Variants in GRIK4 observed in about 807,000 individuals in gnomAD.
GRIK4 encodes the protein glutamate receptor ionotropic, kainate 4.
GRIK4 carries 40 observed loss-of-function variants against 104.9 expected under a neutral mutation model. The observed-to-expected ratio is 0.38, with a 90% CI of 0.30 to 0.50. The LOEUF (loss-of-function observed/expected upper bound fraction) is 0.50. Ranked by LOEUF, GRIK4 falls within the 20% of genes least tolerant of loss-of-function variation. The probability of loss-of-function intolerance (pLI) is 0.93; values close to 1 mark genes in which losing one functional copy is unlikely to be tolerated. For synonymous variants in GRIK4, 485 were observed against 524.9 expected, an observed-to-expected ratio of 0.92 and a Z score of 1.04; for missense variants, 1,047 against 1,308.1, an observed-to-expected ratio of 0.80 and a Z score of 3.08.
In GRIK4 at chr11:120,960,966, G is replaced by A. The variant is rs1286637364; in HGVS notation, c.1932G>A (p.Leu644=). Residue 644 remains leucine, a synonymous_variant, in exon 17 of 21, where the codon CTG becomes CTA. Coordinates refer to ENST00000527524, the MANE Select transcript of GRIK4 (RefSeq NM_014619.5). ...ACACGGCCAACCTGGCAGCCTTCCT[G>A]ACCGTGCAGCGCATGGATGTGCCCA... The part of the protein sequence containing the change: ...SSYTANLAAF[L]TVQRMDVPIE... 24 of 1,613,978 alleles carry A rather than the reference G, an allele frequency of 1.5e-5. No homozygotes were observed. Among genetic ancestry groups the A allele is most frequent in the Non-Finnish European group, 1.8e-5 (21 of 1,180,006 alleles).
intron 9 of GRIK4, chr11:120,862,420 A>G: frequency 3.5e-6 from 1 of 286,480 alleles, no homozygotes; most frequent in Non-Finnish European, 6.5e-6. Flanking sequence ...GCCTGAGTTT[A>G]GGATCCAAGA....
At chr11:120,565,391 T>C (rs1948308980) in intron 1 of GRIK4, among the ~76,000 whole-genome samples, 1 of 152,238 alleles carries the variant, frequency 6.6e-6, no homozygotes, top group African/African-American at 2.4e-5. Flanking sequence ...AGGAATGCGC[T>C]GGACAAGTTG....
At chr11:120,659,263 G>A (rs187227690) in intron 2 of GRIK4, among the ~76,000 whole-genome samples, 2 of 152,288 alleles carry the variant, frequency 1.3e-5, no homozygotes, top group Admixed American at 1.3e-4. Context: ...GGAAGGAGGA[G>A]AGGGATTGGT....
intron 1 of GRIK4, among the ~76,000 whole-genome samples, chr11:120,606,546 T>TGG: frequency 6.6e-6 from 1 of 152,210 alleles, no homozygotes; most frequent in African/African-American, 2.4e-5. Flanking sequence ...ACTCATTCCG[T>TGG]CCATTCATCT....
intron 3 of GRIK4, among the ~76,000 whole-genome samples, chr11:120,755,412 C>G (rs1208652060): frequency 6.6e-6 from 1 of 151,962 alleles, no homozygotes; most frequent in East Asian, 1.9e-4. Flanking sequence ...TCAAGATGAG[C>G]CTGGGCAACC....
chr11:120,861,592 A>G (rs1406924191), intron 8 of GRIK4, among the ~76,000 whole-genome samples: 1 of 151,986 alleles, frequency 6.6e-6, no homozygotes, highest in Non-Finnish European at 1.5e-5. Context: ...ACAATTCTCC[A>G]CCCAGAAAAT....
chr11:120,584,768 A>T (rs77545268), intron 1 of GRIK4, among the ~76,000 whole-genome samples: 2 of 152,346 alleles, frequency 1.3e-5, no homozygotes, highest in East Asian at 3.9e-4. Flanking sequence ...GGTTGTTAAC[A>T]CGAAATGATG....
intron 1 of GRIK4, among the ~76,000 whole-genome samples, chr11:120,528,203 C>G (rs1338806139): frequency 6.6e-6 from 1 of 152,176 alleles, no homozygotes; most frequent in Non-Finnish European, 1.5e-5. Context: ...TCTTGAACTG[C>G]TGAGCTCAAG....
At chr11:120,589,975 C>A (rs776077075) in intron 1 of GRIK4, among the ~76,000 whole-genome samples, 6 of 152,118 alleles carry the variant, frequency 3.9e-5, no homozygotes, top group Non-Finnish European at 8.8e-5. Flanking sequence ...GGTAACACAG[C>A]CAAAGAGAGG....
At chr11:120,785,055 C>T (rs772643322) in intron 3 of GRIK4, among the ~76,000 whole-genome samples, 3 of 151,982 alleles carry the variant, frequency 2.0e-5, no homozygotes, top group Non-Finnish European at 4.4e-5. Context: ...CTCCCAGCAG[C>T]CCCCATCACT....
At chr11:120,764,796 T>C (rs980874428) in intron 3 of GRIK4, among the ~76,000 whole-genome samples, 2 of 152,226 alleles carry the variant, frequency 1.3e-5, no homozygotes, top group Non-Finnish European at 2.9e-5. Flanking sequence ...CACTCTCTTC[T>C]GGCTTGTAGG....
rs892708082 is a variant in GRIK4, at chr11:120,967,906, C to T, written c.2395+583C>T. On this transcript the variant is annotated intron_variant, in intron 19 of 20. Coordinates refer to ENST00000527524, the MANE Select transcript of GRIK4 (RefSeq NM_014619.5). This position sits in a 1 kb window ranked among gnomAD's most constrained non-coding sequence, Gnocchi z 4.2. ...CTGTTCCCTCCTCCTGGCCTTCCCT[C>T]GAAGAGCTCTTCACTCCCACCCTAC... Among the ~76,000 whole-genome samples, 1 of 152,078 alleles carries T rather than the reference C, an allele frequency of 6.6e-6. No homozygotes were observed. The highest frequency in any genetic ancestry group is 2.4e-5 in the African/African-American group (1 of 41,404).
intron 3 of GRIK4, among the ~76,000 whole-genome samples, chr11:120,685,517 G>A (rs1173748169): frequency 1.3e-5 from 2 of 152,162 alleles, no homozygotes; most frequent in Non-Finnish European, 2.9e-5. Flanking sequence ...ACCCCCAGAT[G>A]ATGCCATCAG....
intron 1 of GRIK4, among the ~76,000 whole-genome samples, chr11:120,617,474 G>C (rs1459682727): frequency 1.3e-5 from 2 of 152,100 alleles, no homozygotes; most frequent in Non-Finnish European, 2.9e-5. Flanking sequence ...CAGCCTCGCA[G>C]GCCCAAGTGA....
intron 3 of GRIK4, among the ~76,000 whole-genome samples, chr11:120,738,543 A>AC (rs199676080): frequency 6.6e-6 from 1 of 150,886 alleles, no homozygotes; most frequent in East Asian, 2.0e-4. Flanking sequence ...TTCATCCCCC[A>AC]CCCCCTACCC....
At chr11:120,845,499 T>C (rs770787694) in intron 8 of GRIK4, among the ~76,000 whole-genome samples, 5 of 152,180 alleles carry the variant, frequency 3.3e-5, no homozygotes, top group Non-Finnish European at 7.3e-5. Context: ...CCTCTAGCTT[T>C]CCAAAACTCT....
intron 1 of GRIK4, among the ~76,000 whole-genome samples, chr11:120,642,172 A>T (rs1287559031): frequency 1.3e-5 from 2 of 152,126 alleles, no homozygotes; most frequent in African/African-American, 2.4e-5. Flanking sequence ...GACAGTTTTT[A>T]AAAAAGTTAT....
At chr11:120,668,659 A>G (rs183099123) in intron 3 of GRIK4, among the ~76,000 whole-genome samples, 1 of 152,132 alleles carries the variant, frequency 6.6e-6, no homozygotes, top group African/African-American at 2.4e-5. Context: ...TGATTGAGGA[A>G]TGGAGTCAGA....
intron 1 of GRIK4, among the ~76,000 whole-genome samples, chr11:120,560,502 G>C (rs1948228205): frequency 1.3e-5 from 2 of 152,350 alleles, no homozygotes; most frequent in South Asian, 4.1e-4. Context: ...ATATACGGAA[G>C]TAAACTGAAT....
Sources: allele counts gnomAD v4.1 joint callset (sites outside exome capture counted in the v4.1 genomes callset), GRCh38; gene constraint gnomAD v4.1.1; non-coding constraint Gnocchi (gnomAD v3.1); transcripts MANE v1.5; gene names NCBI Gene and HGNC (gene_info 2026-07-23, HGNC 2026-07-21).